GULP1: variants seen among roughly 807,000 people sequenced by gnomAD.
The protein encoded by GULP1 is PTB domain-containing engulfment adapter protein 1.
A neutral mutation model predicts 40.9 loss-of-function variants in GULP1; 19 were observed. The observed-to-expected ratio is 0.46, with a 90% CI of 0.32 to 0.68. The LOEUF (loss-of-function observed/expected upper bound fraction) is 0.68. GULP1 is among the 30% of genes least tolerant of loss of function. The probability of loss-of-function intolerance (pLI) is 0.03; values close to 1 mark genes in which losing one functional copy is unlikely to be tolerated. For missense variants in GULP1, 312 were observed against 362.2 expected (o/e 0.86, Z 1.12); for synonymous variants, 119 against 117.6 (o/e 1.01, Z -0.08).
intron 1 of GULP1, among the ~76,000 whole-genome samples, chr2:188,373,547 T>G (rs1043641935): frequency 6.6e-6 from 1 of 151,922 alleles, no homozygotes; most frequent in Non-Finnish European, 1.5e-5. Context: ...TGTCTATAGT[T>G]TTTTTATTTT....
At chr2:188,487,465 TAAAACAAA>T (rs1215130889) in intron 4 of GULP1, among the ~76,000 whole-genome samples, 1 of 151,904 alleles carries the variant, frequency 6.6e-6, no homozygotes, top group Non-Finnish European at 1.5e-5. Context: ...TGAGCAAATG[TAAAACAAA>T]TAGTAACACG....
chr2:188,553,525 G>A (rs1694028281), intron 7 of GULP1, among the ~76,000 whole-genome samples: 1 of 151,926 alleles, frequency 6.6e-6, no homozygotes, highest in East Asian at 1.9e-4. Flanking sequence ...CTCAATCATG[G>A]TGTATTATAT....
chr2:188,577,494 C>T (rs1700385924), intron 9 of GULP1, among the ~76,000 whole-genome samples: 1 of 152,094 alleles, frequency 6.6e-6, no homozygotes, highest in African/African-American at 2.4e-5. Context: ...CATTCTGCAA[C>T]TTCACTTTCA....
intron 4 of GULP1, among the ~76,000 whole-genome samples, chr2:188,499,135 G>GTATATATATA (rs893185238): frequency 3.9e-4 from 22 of 56,346 alleles, no homozygotes; most frequent in South Asian, 3.3e-3. Context: ...ATATGTGTGT[G>GTATATATATA]TATATATATA....
chr2:188,531,250 T>C (rs1362957210), intron 6 of GULP1, among the ~76,000 whole-genome samples: 1 of 152,232 alleles, frequency 6.6e-6, no homozygotes, highest in East Asian at 1.9e-4. Flanking sequence ...GGGGATCTGC[T>C]GTTGTGCATG....
intron 2 of GULP1, among the ~76,000 whole-genome samples, chr2:188,393,837 G>A (rs2050855177): frequency 1.3e-5 from 2 of 152,122 alleles, no homozygotes; most frequent in Admixed American, 1.3e-4. Context: ...GTTTAAGGAG[G>A]TATAGATAGG....
At chr2:188,327,139 T>C (rs1015387764) in intron 1 of GULP1, among the ~76,000 whole-genome samples, 1 of 152,174 alleles carries the variant, frequency 6.6e-6, no homozygotes, top group African/African-American at 2.4e-5. Flanking sequence ...CATTTTGCAT[T>C]GAGAACATTT....
At chr2:188,311,235 T>C (rs531433933) in intron 1 of GULP1, among the ~76,000 whole-genome samples, 2 of 152,274 alleles carry the variant, frequency 1.3e-5, no homozygotes, top group East Asian at 3.9e-4. Context: ...CTCGCTCTGT[T>C]GCACAGGCTG....
chr2:188,540,142 T>C (rs1013853636), intron 6 of GULP1, among the ~76,000 whole-genome samples: 5 of 152,088 alleles, frequency 3.3e-5, no homozygotes, highest in African/African-American at 9.7e-5. Context: ...TTGATATTTC[T>C]AGTGTTACAG....
At chr2:188,520,896 T>C (rs180979609) in intron 4 of GULP1, among the ~76,000 whole-genome samples, 1 of 152,312 alleles carries the variant, frequency 6.6e-6, no homozygotes, top group East Asian at 1.9e-4. Context: ...CGAACCCATT[T>C]TGAAAATCAA....
chr2:188,458,552 G>A (rs945543866), intron 2 of GULP1, among the ~76,000 whole-genome samples: 3 of 151,798 alleles, frequency 2.0e-5, no homozygotes, highest in Non-Finnish European at 4.4e-5. Context: ...TTTTTTGTGG[G>A]TACATAGTAA....
intron 9 of GULP1, among the ~76,000 whole-genome samples, chr2:188,579,119 A>G (rs1273599139): frequency 1.3e-5 from 2 of 152,186 alleles, no homozygotes; most frequent in Non-Finnish European, 2.9e-5. Flanking sequence ...TACATATAAC[A>G]TCTGATTCCT....
At chr2:188,356,743 A>G (rs578176707) in intron 1 of GULP1, among the ~76,000 whole-genome samples, 4 of 152,276 alleles carry the variant, frequency 2.6e-5, no homozygotes, top group African/African-American at 9.6e-5. Context: ...AATCCTAAGC[A>G]AAAAGAACAA....
chr2:188,505,515 A>C (rs1446511499), intron 4 of GULP1, among the ~76,000 whole-genome samples: 1 of 151,832 alleles, frequency 6.6e-6, no homozygotes, highest in Non-Finnish European at 1.5e-5. Context: ...AATATACAAC[A>C]GCATATTCTA....
At chr2:188,528,670 G>T (rs1041719146) in intron 5 of GULP1, among the ~76,000 whole-genome samples, 8 of 152,062 alleles carry the variant, frequency 5.3e-5, no homozygotes, top group African/African-American at 1.9e-4. Flanking sequence ...ATAGAATAGT[G>T]TTCCAAACTA....
intron 2 of GULP1, among the ~76,000 whole-genome samples, chr2:188,461,318 C>CA (rs2059686956): frequency 8.1e-6 from 1 of 122,976 alleles, no homozygotes. Context: ...TACTGGTAAG[C>CA]TTTTTTTTTT....
chr2:188,491,043 C>T (rs2062333865), intron 4 of GULP1, among the ~76,000 whole-genome samples: 1 of 151,990 alleles, frequency 6.6e-6, no homozygotes, highest in South Asian at 2.1e-4. Flanking sequence ...AGCGATCCAC[C>T]CAACTTGACC....
intron 2 of GULP1, among the ~76,000 whole-genome samples, chr2:188,426,160 G>A (rs896508339): frequency 6.6e-6 from 1 of 152,172 alleles, no homozygotes; most frequent in South Asian, 2.1e-4. Context: ...GTGATGGCAG[G>A]GAGGGTGGGC....
At chr2:188,456,021 G>T (rs1264773490) in intron 2 of GULP1, among the ~76,000 whole-genome samples, 1 of 152,172 alleles carries the variant, frequency 6.6e-6, no homozygotes, top group Admixed American at 6.5e-5. Context: ...TGAGAGAGAT[G>T]ATTTAGGGTA....
Sources: allele counts gnomAD v4.1 joint callset (sites outside exome capture counted in the v4.1 genomes callset), GRCh38; gene constraint gnomAD v4.1.1; transcripts MANE v1.5; gene names NCBI Gene and HGNC (gene_info 2026-07-23, HGNC 2026-07-21).